PTPRM: variants seen among roughly 807,000 people sequenced by gnomAD.
The protein encoded by PTPRM is protein tyrosine phosphatase receptor type M.
PTPRM carries 47 observed loss-of-function variants against 186.7 expected under a neutral mutation model. The ratio of observed to expected loss-of-function variants is 0.25; its 90% CI spans 0.20 to 0.32. PTPRM has a LOEUF of 0.32. Among genes scored for constraint, PTPRM ranks in the 10% least tolerant of loss-of-function variants. The probability of loss-of-function intolerance (pLI) is 1.00; values close to 1 mark genes in which losing one functional copy is unlikely to be tolerated. For synonymous variants in PTPRM, 668 were observed against 674.9 expected, an observed-to-expected ratio of 0.99 and a Z score of 0.16; for missense variants, 1,494 against 1,865.0, an observed-to-expected ratio of 0.80 and a Z score of 3.66.
intron 7 of PTPRM, among the ~76,000 whole-genome samples, chr18:8,024,554 T>C (rs2085443534): frequency 6.6e-6 from 1 of 152,138 alleles, no homozygotes. Context: ...CCAGGACATA[T>C]GGGCACTCAA....
At chr18:7,981,657 A>G (rs1368234190) in intron 7 of PTPRM, among the ~76,000 whole-genome samples, 3 of 152,206 alleles carry the variant, frequency 2.0e-5, no homozygotes, top group African/African-American at 7.2e-5. Context: ...TCCTTAAGCA[A>G]TGGGGCTGTA....
intron 1 of PTPRM, among the ~76,000 whole-genome samples, chr18:7,639,508 T>C (rs1598597707): frequency 6.6e-6 from 1 of 151,876 alleles, no homozygotes; most frequent in East Asian, 1.9e-4. Context: ...TGCCTCAGCC[T>C]CCTGAGTAGC....
chr18:8,221,525 C>G (rs1272036435), intron 14 of PTPRM, among the ~76,000 whole-genome samples: 2 of 152,172 alleles, frequency 1.3e-5, no homozygotes, highest in African/African-American at 4.8e-5. Context: ...GCCAATGCTG[C>G]CATGAGGTTG....
rs540579892 is a variant in PTPRM, at chr18:7,748,565, G to T, written c.74-25584G>T. ...ACTGTGGAGCAGAGCTGCCAAATCAGCTCCGGGCTACTTACACACATGAAA... is the reference window on the plus strand; with the variant it reads ...ACTGTGGAGCAGAGCTGCCAAATCATCTCCGGGCTACTTACACACATGAAA... On this transcript the variant is annotated intron_variant, in intron 1 of 32. Coordinates refer to ENST00000580170, the MANE Select transcript of PTPRM (RefSeq NM_001105244.2). 9.8e-5 allele frequency among the ~76,000 whole-genome samples: 15 copies of T among 152,304 alleles called. 1 individual carries two copies. In the South Asian group the frequency reaches 3.1e-3, roughly 32 times the overall value.
chr18:8,182,536 C>G (rs910509859), intron 14 of PTPRM, among the ~76,000 whole-genome samples: 1 of 152,180 alleles, frequency 6.6e-6, no homozygotes, highest in Non-Finnish European at 1.5e-5. Context: ...AAGCTGACTT[C>G]CAAATCGGAA....
chr18:8,390,515 G>A (rs554917211), intron 31 of PTPRM, among the ~76,000 whole-genome samples: 1 of 152,312 alleles, frequency 6.6e-6, no homozygotes, highest in Non-Finnish European at 1.5e-5. Context: ...TAATACATGT[G>A]TCTGACAAAG....
chr18:7,935,885 G>T (rs2051774191), intron 5 of PTPRM, among the ~76,000 whole-genome samples: 1 of 152,188 alleles, frequency 6.6e-6, no homozygotes, highest in South Asian at 2.1e-4. Context: ...GTCAGGTTGT[G>T]TCAGTCTGGA....
chr18:8,367,785 T>G (rs1036677783), intron 23 of PTPRM, among the ~76,000 whole-genome samples: 1 of 152,222 alleles, frequency 6.6e-6, no homozygotes, highest in African/African-American at 2.4e-5. Flanking sequence ...TTGATTTCCC[T>G]CATTTCTGAG....
chr18:8,090,887 G>T (rs1246550753), intron 11 of PTPRM, among the ~76,000 whole-genome samples: 1 of 152,156 alleles, frequency 6.6e-6, no homozygotes, highest in Admixed American at 6.5e-5. Context: ...GAGCCACCAT[G>T]CCTGGCCAAG....
At chr18:7,696,322 A>C (rs899468018) in intron 1 of PTPRM, among the ~76,000 whole-genome samples, 3 of 152,210 alleles carry the variant, frequency 2.0e-5, no homozygotes, top group African/African-American at 7.2e-5. Flanking sequence ...TGTGATTCTA[A>C]CAATGTGTTT....
chr18:7,827,583 G>A (rs1187130675), intron 2 of PTPRM, among the ~76,000 whole-genome samples: 1 of 152,166 alleles, frequency 6.6e-6, no homozygotes, highest in African/African-American at 2.4e-5. Flanking sequence ...TTCTGTGAGA[G>A]CCTTCGCTCC....
At chr18:8,260,378 C>T (rs776201367) in intron 19 of PTPRM, among the ~76,000 whole-genome samples, 16 of 151,996 alleles carry the variant, frequency 1.1e-4, no homozygotes, top group Admixed American at 7.2e-4. Context: ...TGCTGAGGCT[C>T]GTCTTGAACT....
At position 7,833,970 on chromosome 18, in the gene PTPRM, G is replaced by A. The variant is rs183411930; in HGVS notation, c.197-54136G>A. 5.3e-5 allele frequency among the ~76,000 whole-genome samples: 8 copies of A among 152,188 alleles called. No homozygotes were observed. In the East Asian group the frequency reaches 1.5e-3, roughly 29 times the overall value. On this transcript the variant is annotated intron_variant, in intron 2 of 32. Coordinates refer to ENST00000580170, the MANE Select transcript of PTPRM (RefSeq NM_001105244.2). ...TTAATTTCAGTTCTCTTGCCTGATTGTTCTAGCTAGGACTTCCAGTACTAT... is the reference window on the plus strand; with the variant it reads ...TTAATTTCAGTTCTCTTGCCTGATTATTCTAGCTAGGACTTCCAGTACTAT...
chr18:7,660,250 C>T (rs1387597989), intron 1 of PTPRM, among the ~76,000 whole-genome samples: 4 of 152,080 alleles, frequency 2.6e-5, no homozygotes, highest in Middle Eastern at 3.4e-3. Flanking sequence ...ACAGCAGAAT[C>T]GCTTGAACCT....
intron 14 of PTPRM, among the ~76,000 whole-genome samples, chr18:8,194,900 A>G (rs1182388695): frequency 1.3e-5 from 2 of 152,070 alleles, no homozygotes; most frequent in African/African-American, 2.4e-5. Flanking sequence ...CGCCTCTTTT[A>G]TTCTTGTAAG....
intron 17 of PTPRM, among the ~76,000 whole-genome samples, chr18:8,250,804 TA>T (rs1336452869): frequency 1.4e-5 from 2 of 146,542 alleles, no homozygotes; most frequent in Admixed American, 6.8e-5. Flanking sequence ...AAAAAAAAAG[TA>T]GAAAAAAAAA....
chr18:8,074,811 A>G (rs2089704903), intron 8 of PTPRM, among the ~76,000 whole-genome samples: 5 of 152,138 alleles, frequency 3.3e-5, no homozygotes, highest in Admixed American at 3.3e-4. Context: ...CAAATCTCTT[A>G]TATATATGAT....
In PTPRM at chr18:8,013,762, T is replaced by C. The variant is rs541814373; in HGVS notation, c.1133-55924T>C. Among the ~76,000 whole-genome samples, 9 of 152,338 alleles carry C rather than the reference T, an allele frequency of 5.9e-5. No individual in the cohort carries two copies. In the South Asian group the frequency reaches 1.9e-3, roughly 32 times the overall value. On this transcript the variant is annotated intron_variant, in intron 7 of 32. Transcript: ENST00000580170. ...ACAGGGTCAGTTTGAAATGACCATG[T>C]ACTCATTTTGGGGAGAAAAATCTAT...
At chr18:8,305,117 T>C (rs72916872) in intron 20 of PTPRM, among the ~76,000 whole-genome samples, 9,637 of 152,286 alleles carry the variant, frequency 0.063, 421 homozygotes, top group Non-Finnish European at 0.096. Flanking sequence ...CCCAGAGATC[T>C]TTCCAGGTAA....
Sources: allele counts gnomAD v4.1 joint callset (sites outside exome capture counted in the v4.1 genomes callset), GRCh38; gene constraint gnomAD v4.1.1; transcripts MANE v1.5; gene names NCBI Gene and HGNC (gene_info 2026-07-23, HGNC 2026-07-21).